FSTL4: variants seen among roughly 807,000 people sequenced by gnomAD.
FSTL4 encodes follistatin-related protein 4.
In FSTL4, 28 loss-of-function variants were observed where a neutral mutation model predicts 78.2. The ratio of observed to expected loss-of-function variants is 0.36; its 90% CI spans 0.27 to 0.49. The LOEUF is 0.49. Among genes scored for constraint, FSTL4 ranks in the 20% least tolerant of loss-of-function variants. The pLI is 0.98. For synonymous variants in FSTL4, 422 were observed against 440.5 expected (o/e 0.96, Z 0.53); for missense variants, 922 against 1,084.9 (o/e 0.85, Z 2.11).
In FSTL4 at chr5:133,233,467, T is replaced by C; in HGVS notation, c.965A>G (p.His322Arg). The C allele has an allele frequency of 1.2e-6, 2 of 1,614,216 alleles. No homozygotes were observed. ...GAACAGCTGCTCGTGGCCGGAAGCATGGCAGGTGTAATTGCCCATGTGGAT... is the reference window on the plus strand; with the variant it reads ...GAACAGCTGCTCGTGGCCGGAAGCACGGCAGGTGTAATTGCCCATGTGGAT... ...TTIHMGNYTC[H>R]ASGHEQLFQT... Residue 322 changes from histidine (H) to arginine (R), a missense_variant, in exon 8 of 16, where the codon CAT (histidine) becomes CGT (arginine). His to Arg is a conservative substitution (Grantham distance 29). Transcript: ENST00000265342.
chr5:133,591,540 C>T (rs994184738), intron 2 of FSTL4, among the ~76,000 whole-genome samples: 3 of 152,122 alleles, frequency 2.0e-5, no homozygotes, highest in African/African-American at 7.2e-5. Context: ...GCACCCACAT[C>T]CTCCCCTCAG....
chr5:133,276,308 G>A (rs1442910075), intron 6 of FSTL4, among the ~76,000 whole-genome samples: 3 of 152,192 alleles, frequency 2.0e-5, no homozygotes, highest in Admixed American at 6.5e-5. Context: ...GGAGAGGGAG[G>A]GCACGCGTAG....
rs1353310227 is a variant in FSTL4, at chr5:133,440,479, T to C, written c.161-39493A>G. 6.6e-6 allele frequency among the ~76,000 whole-genome samples: 1 copy of C among 152,206 alleles called. No homozygotes were observed. The highest frequency in any genetic ancestry group is 1.5e-5 in the Non-Finnish European group (1 of 68,028). On this transcript the variant is annotated intron_variant, in intron 3 of 15. Coordinates refer to ENST00000265342, the MANE Select transcript of FSTL4 (RefSeq NM_015082.2). This position sits in a 1 kb window ranked among gnomAD's most constrained non-coding sequence, Gnocchi z 4.1. ...ACATCTGGCTGGCCGACCAAGCTGCTTATGGCAATGTCAGGCTTGAGCTGA... is the reference window on the plus strand; with the variant it reads ...ACATCTGGCTGGCCGACCAAGCTGCCTATGGCAATGTCAGGCTTGAGCTGA...
chr5:133,381,527 G>A (rs1580664121), intron 4 of FSTL4, among the ~76,000 whole-genome samples: 1 of 152,130 alleles, frequency 6.6e-6, no homozygotes, highest in African/African-American at 2.4e-5. Context: ...ATCACAGAAC[G>A]GACAGTGGTC....
the FSTL4 span, among the ~76,000 whole-genome samples, chr5:133,654,712 C>T: frequency 2.6e-5 from 4 of 152,098 alleles, no homozygotes; most frequent in Non-Finnish European, 5.9e-5. Context: ...CATGGGGATA[C>T]CAGGCAAGGG....
chr5:133,523,675 G>T (rs573675148), intron 3 of FSTL4, among the ~76,000 whole-genome samples: 2 of 152,304 alleles, frequency 1.3e-5, no homozygotes, highest in African/African-American at 4.8e-5. Flanking sequence ...ATGATTAAAT[G>T]TGGAGCCTGA....
At chr5:133,664,320 T>TAAAA in the FSTL4 span, among the ~76,000 whole-genome samples, 9,105 of 151,328 alleles carry the variant, frequency 0.06, 343 homozygotes, top group African/African-American at 0.099. Context: ...CTTTTTTTTT[T>TAAAA]AAAAAAAATT....
intron 3 of FSTL4, among the ~76,000 whole-genome samples, chr5:133,433,163 C>A (rs930219364): frequency 3.3e-5 from 5 of 152,230 alleles, no homozygotes; most frequent in African/African-American, 1.2e-4. Flanking sequence ...TGAAATCCTG[C>A]ATGTTTAAAA....
At chr5:133,539,845 G>A (rs1759431350) in intron 3 of FSTL4, among the ~76,000 whole-genome samples, 1 of 151,980 alleles carries the variant, frequency 6.6e-6, no homozygotes, top group African/African-American at 2.4e-5. Context: ...CATTCTTTTA[G>A]TGTATCAGTT....
chr5:133,569,142 A>G (rs1760094559), intron 2 of FSTL4, among the ~76,000 whole-genome samples: 1 of 152,086 alleles, frequency 6.6e-6, no homozygotes, highest in African/African-American at 2.4e-5. Flanking sequence ...GTTAAATTTT[A>G]CTGTTTGTAA....
chr5:133,352,201 CT>C (rs1754837821), intron 4 of FSTL4, among the ~76,000 whole-genome samples: 1 of 151,082 alleles, frequency 6.6e-6, no homozygotes, highest in African/African-American at 2.4e-5. Context: ...AGTGCCACCC[CT>C]CCCCATTAGT....
chr5:133,532,792 G>A (rs79155769), intron 3 of FSTL4, among the ~76,000 whole-genome samples: 39,784 of 151,950 alleles, frequency 0.26, 5,350 homozygotes, highest in East Asian at 0.34. Context: ...CAGAAAGGCC[G>A]GTCACAGATG....
chr5:133,526,289 A>G (rs540569633), intron 3 of FSTL4, among the ~76,000 whole-genome samples: 37 of 152,248 alleles, frequency 2.4e-4, no homozygotes, highest in African/African-American at 8.4e-4. Flanking sequence ...TAGCCTCATT[A>G]TCAAGCACTG....
At chr5:133,561,521 C>T (rs1335604111) in intron 3 of FSTL4, among the ~76,000 whole-genome samples, 2 of 152,136 alleles carry the variant, frequency 1.3e-5, no homozygotes, top group Non-Finnish European at 2.9e-5. Flanking sequence ...GCAGGCAGGA[C>T]TCTGAGCTGC....
chr5:133,771,365 ATTTG>A, the FSTL4 span, among the ~76,000 whole-genome samples: 1 of 152,042 alleles, frequency 6.6e-6, no homozygotes, highest in East Asian at 1.9e-4. Context: ...GGGATGCTTT[ATTTG>A]TTTGAGTCTT....
chr5:133,680,822 G>GGGA, the FSTL4 span, among the ~76,000 whole-genome samples: 1 of 152,220 alleles, frequency 6.6e-6, no homozygotes, highest in Non-Finnish European at 1.5e-5. Context: ...TAGAGCATTG[G>GGGA]GGATTCCATG....
At chr5:133,558,630 T>C (rs1759847589) in intron 3 of FSTL4, among the ~76,000 whole-genome samples, 1 of 151,980 alleles carries the variant, frequency 6.6e-6, no homozygotes, top group Non-Finnish European at 1.5e-5. Flanking sequence ...AAAAGGTTTT[T>C]GTTTTTTTTT....
At chr5:133,825,725 T>C in the FSTL4 span, among the ~76,000 whole-genome samples, 137,498 of 152,282 alleles carry the variant, frequency 0.9, 62,155 homozygotes, top group Middle Eastern at 0.94. Context: ...GGACTGGACT[T>C]GTGCCAGGGA....
intron 3 of FSTL4, among the ~76,000 whole-genome samples, chr5:133,436,121 T>C (rs1466325581): frequency 6.6e-6 from 1 of 152,154 alleles, no homozygotes; most frequent in African/African-American, 2.4e-5. Flanking sequence ...ATTCTAAGTA[T>C]AGTATAAAAG....
Sources: gnomAD v4.1 joint callset for allele counts (sites outside exome capture counted in the v4.1 genomes callset) on GRCh38, gnomAD v4.1.1 for gene constraint, Gnocchi (gnomAD v3.1) non-coding constraint, MANE v1.5 for transcripts, NCBI Gene and HGNC (gene_info 2026-07-23, HGNC 2026-07-21) for gene names.